ARHGEF6: variants seen among roughly 807,000 people sequenced by gnomAD.
ARHGEF6 encodes the protein Rac/Cdc42 guanine nucleotide exchange factor 6.
ARHGEF6 carries 9 observed loss-of-function variants against 70.3 expected under a neutral mutation model. The observed-to-expected ratio is 0.13, with a 90% CI of 0.08 to 0.22. The LOEUF is 0.22. Among genes scored for constraint, ARHGEF6 ranks in the 10% least tolerant of loss-of-function variants. The pLI, the probability that ARHGEF6 is intolerant of heterozygous loss-of-function variation, is 1.00. For missense variants in ARHGEF6, 470 were observed against 563.0 expected (o/e 0.83, Z 1.67); for synonymous variants, 201 against 207.8 (o/e 0.97, Z 0.28).
chrX:136,768,974 G>A (rs2077343462), intron 2 of ARHGEF6, among the ~76,000 whole-genome samples: 2 of 106,485 alleles, frequency 1.9e-5, no homozygotes, highest in Admixed American at 1.0e-4. Flanking sequence ...AAGAGAGAGG[G>A]GGAGAAAGAG....
At chrX:136,688,152 C>A (rs2076423557) in intron 10 of ARHGEF6, among the ~76,000 whole-genome samples, 161 bp from the exon 11 acceptor site, 1 of 111,391 alleles carries the variant, frequency 9.0e-6, no homozygotes, top group Non-Finnish European at 1.9e-5. Flanking sequence ...TAACATGAAT[C>A]TATACCTGTG....
chrX:136,674,372 G>A (rs1308072103), intron 19 of ARHGEF6, among the ~76,000 whole-genome samples: 1 of 112,310 alleles, frequency 8.9e-6, no homozygotes, highest in African/African-American at 3.2e-5. Flanking sequence ...AGACATAATC[G>A]AAGTGACCTG....
At position 136,685,601 on chromosome X, in the gene ARHGEF6, C is replaced by A. The variant is rs1267276053; in HGVS notation, c.1392+76G>T. 3.1e-6 allele frequency: 3 copies of A among 976,469 alleles called. No individual in the cohort carries two copies. The African/African-American group carries it at 7.2e-5, about 23-fold the overall frequency. 80.5% of individuals were successfully genotyped at this position (976,469 alleles called of 1,213,427 possible). On this transcript the variant is annotated intron_variant, in intron 12 of 21. Transcript: ENST00000250617. ...CAGCCTGAGTGACAGAACAAGACTC[C>A]GTCAAAAAAAAAAAAAAAAAAGGAA...
intron 18 of ARHGEF6, 151 bp downstream of exon 18, chrX:136,676,473 C>G (rs758798802): frequency 2.2e-6 from 1 of 460,132 alleles, no homozygotes; most frequent in African/African-American, 2.5e-5. Flanking sequence ...AAGAAGTGAC[C>G]AAAGCTTTCC....
At chrX:136,677,989 G>A in intron 16 of ARHGEF6, 33 bp from the exon 17 acceptor site, 2 of 1,173,877 alleles carry the variant, frequency 1.7e-6, no homozygotes, top group Non-Finnish European at 2.3e-6. Context: ...GAGAAGATGA[G>A]CGTGAGAGGT....
Position 136,685,775 on chromosome X carries a change from G to A in ARHGEF6, c.1294C>T (p.Leu432=). The A allele has an allele frequency of 8.3e-7, 1 of 1,211,304 alleles. No homozygotes were observed. Residue 432 remains leucine, a synonymous_variant, in exon 12 of 22, where the codon CTG becomes TTG. Transcript: ENST00000250617. ...RKRKQLELQI[L]SEPIQAWEGE... ...TCCCATGCCTGAATAGGTTCGGACAGTATCTGTAACTCCAGCTGTTTTCTC... is the reference window on the plus strand; with the variant it reads ...TCCCATGCCTGAATAGGTTCGGACAATATCTGTAACTCCAGCTGTTTTCTC...
At chrX:136,733,637 C>T (rs1038192073) in intron 5 of ARHGEF6, among the ~76,000 whole-genome samples, 4 of 111,971 alleles carry the variant, frequency 3.6e-5, no homozygotes, top group Non-Finnish European at 7.5e-5. Flanking sequence ...TTGGAATATC[C>T]CTAATATTTA....
chrX:136,756,490 A>G (rs762014185), intron 2 of ARHGEF6, among the ~76,000 whole-genome samples: 52 of 111,723 alleles, frequency 4.7e-4, no homozygotes, highest in Non-Finnish European at 1.9e-4. Context: ...TTTGTTGTAA[A>G]ACTGAATAAA....
chrX:136,727,135 C>T (rs1374783032), intron 6 of ARHGEF6, among the ~76,000 whole-genome samples: 1 of 111,536 alleles, frequency 9.0e-6, no homozygotes, highest in African/African-American at 3.3e-5. Context: ...TCCATTCAAC[C>T]TTTTCCTTGA....
At chrX:136,774,376 C>T (rs1343288165) in intron 2 of ARHGEF6, among the ~76,000 whole-genome samples, 3 of 110,207 alleles carry the variant, frequency 2.7e-5, no homozygotes, top group Admixed American at 9.7e-5. Flanking sequence ...ATTGGCCAGG[C>T]GTGGTGGCTC....
chrX:136,668,883 C>A, intron 21 of ARHGEF6, among the ~76,000 whole-genome samples: 1 of 111,320 alleles, frequency 9.0e-6, no homozygotes, highest in South Asian at 3.8e-4. Flanking sequence ...ATCTCAAAAT[C>A]ATATTATCCT....
chrX:136,736,816 C>T (rs1452652697), intron 5 of ARHGEF6, among the ~76,000 whole-genome samples: 1 of 111,511 alleles, frequency 9.0e-6, no homozygotes, highest in East Asian at 2.8e-4. Context: ...GAATCCAAAA[C>T]TTAAAACGCC....
At chrX:136,693,062 T>C (rs894014440) in intron 9 of ARHGEF6, among the ~76,000 whole-genome samples, 1 of 112,472 alleles carries the variant, frequency 8.9e-6, no homozygotes. Flanking sequence ...ATCATTTTCC[T>C]AATTTCTTTT....
chrX:136,685,797 T>C lies in ARHGEF6; in HGVS notation c.1272A>G (p.Arg424=). 8.3e-7 allele frequency: 1 copy of C among 1,211,388 alleles called. No homozygotes were observed. The highest frequency in any genetic ancestry group is 1.1e-6 in the Non-Finnish European group (1 of 895,303). The change falls in exon 12 of 22, where the codon AGA becomes AGG. Residue 424 remains arginine (R), a synonymous_variant. Transcript: ENST00000250617. ...ACAGTATCTGTAACTCCAGCTGTTT[T>C]CTCTTCCTCAGATCTTGACATTGCC... ...LMGQCQDLRK[R]KQLELQILSE...
Position 136,683,711 on chromosome X carries a change from G to A in ARHGEF6, c.1393-867C>T, listed in dbSNP as rs150793056. Among the ~76,000 whole-genome samples the A allele has an allele frequency of 9.9e-5, 11 of 111,648 alleles. No individual in the cohort carries two copies. The East Asian group carries it at 2.0e-3, about 20-fold the overall frequency. On this transcript the variant is annotated intron_variant, in intron 12 of 21. Coordinates refer to ENST00000250617, the MANE Select transcript of ARHGEF6 (RefSeq NM_004840.3). The stretch of plus-strand genomic sequence containing the variant: ...TGCAATTAGTATACGCAAAAATTAC[G>A]TTTGCCTTCCATGCCCAGCCATCTT...
At chrX:136,770,292 A>G (rs915901679) in intron 2 of ARHGEF6, among the ~76,000 whole-genome samples, 5 of 112,818 alleles carry the variant, frequency 4.4e-5, no homozygotes, top group African/African-American at 1.6e-4. Context: ...TACAAATATA[A>G]TAACAAACAA....
intron 3 of ARHGEF6, 100 bp downstream of exon 3, chrX:136,747,408 T>C: frequency 2.6e-6 from 2 of 777,921 alleles, no homozygotes; most frequent in South Asian, 4.3e-5. Context: ...AAAATTTGCA[T>C]CACGAGAACA....
intron 10 of ARHGEF6, among the ~76,000 whole-genome samples, chrX:136,688,456 C>T (rs1049281960): frequency 3.6e-4 from 40 of 110,033 alleles, no homozygotes; most frequent in African/African-American, 1.3e-3. Flanking sequence ...TGGTAGATGA[C>T]AGGAGGTAGG....
chrX:136,707,237 T>C (rs1297095855), intron 8 of ARHGEF6, among the ~76,000 whole-genome samples: 1 of 112,181 alleles, frequency 8.9e-6, no homozygotes, highest in African/African-American at 3.2e-5. Flanking sequence ...TTGTAATACA[T>C]AGGGTCAGAT....
Sources: allele counts gnomAD v4.1 joint callset (sites outside exome capture counted in the v4.1 genomes callset), GRCh38; gene constraint gnomAD v4.1.1; transcripts MANE v1.5; gene names NCBI Gene and HGNC (gene_info 2026-07-23, HGNC 2026-07-21).